The following NGEF variants were observed in gnomAD, a reference collection of about 807,000 sequenced individuals.
NGEF encodes neuronal guanine nucleotide exchange factor.
Under a neutral mutation model 80.9 loss-of-function variants are expected in NGEF, and 31 were observed. That is an observed-to-expected ratio of 0.38 (90% CI 0.29 to 0.52). NGEF has a LOEUF of 0.52. NGEF is among the 20% of genes least tolerant of loss of function. The probability of loss-of-function intolerance (pLI) is 0.84; values close to 1 mark genes in which losing one functional copy is unlikely to be tolerated. For missense variants in NGEF, 709 were observed against 926.2 expected (o/e 0.77, Z 3.04); for synonymous variants, 371 against 370.2 (o/e 1.00, Z -0.03).
intron 3 of NGEF, among the ~76,000 whole-genome samples, chr2:232,954,842 G>A (rs774497799): frequency 3.9e-5 from 6 of 152,064 alleles, no homozygotes; most frequent in Admixed American, 6.6e-5. Context: ...ACTGAAGGAT[G>A]AATAGAAACT....
At chr2:232,911,073 CCTCAGGTAA>C (rs1692682787) in intron 5 of NGEF, among the ~76,000 whole-genome samples, 1 of 152,138 alleles carries the variant, frequency 6.6e-6, no homozygotes, top group South Asian at 2.1e-4. Context: ...TCTTTGCTAA[CCTCAGGTAA>C]TGAAGGTTTT....
intron 3 of NGEF, among the ~76,000 whole-genome samples, chr2:232,960,379 G>A (rs1693922995): frequency 6.6e-6 from 1 of 152,190 alleles, no homozygotes. Context: ...AAGGGACTGA[G>A]TCAGTGACGT....
intron 1 of NGEF, among the ~76,000 whole-genome samples, chr2:232,999,565 C>G (rs1475178798): frequency 2.0e-5 from 3 of 152,236 alleles, no homozygotes; most frequent in Non-Finnish European, 4.4e-5. Flanking sequence ...TCACATTTCC[C>G]TGCCATCAGA....
chr2:232,918,003 G>A (rs1449803722), intron 5 of NGEF, among the ~76,000 whole-genome samples: 1 of 151,962 alleles, frequency 6.6e-6, no homozygotes, highest in Middle Eastern at 3.2e-3. Flanking sequence ...GCCCAGGCTG[G>A]GGTGCAGTTG....
intron 11 of NGEF, 117 bp from the exon 12 acceptor site, chr2:232,883,583 C>A (rs923956294): frequency 1.2e-5 from 13 of 1,069,660 alleles, no homozygotes; most frequent in Admixed American, 6.2e-5. Flanking sequence ...TGATCTTCAC[C>A]TCCTTCTGAA....
At position 232,879,555 on chromosome 2, in the gene NGEF, C is replaced by A; in HGVS notation, c.2067G>T (p.Lys689Asn). The part of the protein sequence containing the change: ...QNLKECFRVH[K>N]MDDPQRSQNK... ...TCTGGCTGCGCTGAGGGTCATCCAT[C>A]TTGTGGACACGGAAACATTCCTTGA... The change falls in exon 15 of 15, where the codon AAG (lysine) becomes AAT (asparagine). Residue 689 changes from lysine (K) to asparagine (N), a missense_variant. Around this residue, in one of 2 missense-constraint regions of NGEF, gnomAD observed 426 missense variants for 622.9 expected, o/e 0.68. Transcript: ENST00000264051. 1.2e-6 allele frequency: 2 copies of A among 1,613,944 alleles called. No homozygotes were observed. Among genetic ancestry groups the A allele is most frequent in the Non-Finnish European group, 1.7e-6 (2 of 1,179,988 alleles).
At chr2:232,938,444 A>G (rs1184900077) in intron 3 of NGEF, among the ~76,000 whole-genome samples, 4 of 152,152 alleles carry the variant, frequency 2.6e-5, no homozygotes, top group Non-Finnish European at 4.4e-5. Flanking sequence ...AACTATGGAA[A>G]ATGAGGGACA....
At chr2:232,921,318 G>C (rs887232126) in intron 4 of NGEF, among the ~76,000 whole-genome samples, 3 of 152,188 alleles carry the variant, frequency 2.0e-5, no homozygotes, top group African/African-American at 7.2e-5. Context: ...GGATGGTGAG[G>C]GGTAATCCTG....
rs368738673 is a variant in NGEF at position 232,926,997 on chromosome 2, G to A, written c.526+47C>T. On this transcript the variant is annotated intron_variant, in intron 4 of 14. Transcript: ENST00000264051. ...CAGGAGGACCCTCAGAGTCCTCCAGGGACCCGCGTTTCCCAAATAAAACCC... is the reference window on the plus strand; with the variant it reads ...CAGGAGGACCCTCAGAGTCCTCCAGAGACCCGCGTTTCCCAAATAAAACCC... 4.3e-5 allele frequency: 70 copies of A among 1,613,298 alleles called. No individual in the cohort carries two copies. The African/African-American group carries it at 8.7e-4, about 20-fold the overall frequency.
At chr2:232,995,977 A>T (rs192146010) in intron 1 of NGEF, among the ~76,000 whole-genome samples, 166 of 151,924 alleles carry the variant, frequency 1.1e-3, no homozygotes, top group Non-Finnish European at 2.0e-3. Context: ...GTGAGCGTAA[A>T]ACTGAATGGG....
chr2:233,000,728 C>T (rs542311626), intron 1 of NGEF, among the ~76,000 whole-genome samples: 2 of 151,030 alleles, frequency 1.3e-5, no homozygotes, highest in African/African-American at 2.4e-5. Flanking sequence ...CCACTGCACT[C>T]CAGCTCGGGC....
At chr2:232,993,239 T>TTTATATATATTATATATATAA (rs1694710913) in intron 1 of NGEF, among the ~76,000 whole-genome samples, 1 of 40,288 alleles carries the variant, frequency 2.5e-5, no homozygotes, top group Admixed American at 2.4e-4. Flanking sequence ...TATATATGTA[T>TTTATATATATTATATATATAA]ATTTTCAGAT....
intron 3 of NGEF, among the ~76,000 whole-genome samples, chr2:232,943,528 C>T (rs1420545860): frequency 2.8e-5 from 4 of 144,220 alleles, no homozygotes; most frequent in East Asian, 2.0e-4. Context: ...CGGAGTCTCA[C>T]TCTGTCGCCC....
intron 12 of NGEF, among the ~76,000 whole-genome samples, chr2:232,882,716 G>A (rs945679691): frequency 2.0e-5 from 3 of 152,184 alleles, no homozygotes; most frequent in Non-Finnish European, 4.4e-5. Flanking sequence ...TCGGGGCCAC[G>A]ACGGGAGGAG....
intron 5 of NGEF, among the ~76,000 whole-genome samples, chr2:232,900,056 ACAGT>A (rs1414044161): frequency 1.4e-5 from 2 of 139,322 alleles, no homozygotes; most frequent in Non-Finnish European, 3.1e-5. Context: ...ACACGCTCTC[ACAGT>A]CACTCATATA....
intron 9 of NGEF, among the ~76,000 whole-genome samples, chr2:232,885,982 G>A (rs757283163): frequency 5.3e-5 from 8 of 152,212 alleles, no homozygotes; most frequent in African/African-American, 1.2e-4. Flanking sequence ...ATGCAGATAC[G>A]CAAGAACAGA....
In NGEF at chr2:232,988,036, C is replaced by CCTGTGTGTGTGTGT. The variant is rs1553558805; in HGVS notation, c.-74-13073_-74-13072insACACACACACACAG. Among the ~76,000 whole-genome samples, 509 of 140,342 alleles carry CCTGTGTGTGTGTGT rather than the reference C, an allele frequency of 3.6e-3. 20 individuals are homozygous for CCTGTGTGTGTGTGT. The highest frequency in any genetic ancestry group is 5.7e-3 in the African/African-American group (219 of 38,350). The allele number at this position is 140,342 out of a possible 152,430, so 92.1% of individuals were successfully genotyped here. On this transcript the variant is annotated intron_variant, in intron 1 of 14. Transcript: ENST00000264051. ...GTCACCCTTCTGGAAGGGATGGTCT[C>CCTGTGTGTGTGTGT]GTGTGTGTGTGTGTGTGTGTGTGTG...
intron 4 of NGEF, among the ~76,000 whole-genome samples, chr2:232,922,040 C>A (rs932725205): frequency 1.3e-5 from 2 of 152,140 alleles, no homozygotes; most frequent in African/African-American, 4.8e-5. Flanking sequence ...CAGGTGGAGG[C>A]CTCATGAGCA....
chr2:232,981,347 C>G (rs961841459), intron 1 of NGEF, among the ~76,000 whole-genome samples: 1 of 151,694 alleles, frequency 6.6e-6, no homozygotes, highest in South Asian at 2.1e-4. Context: ...CGAAAAGACC[C>G]CTTTCTTGCC....
Sources: gnomAD v4.1 joint callset for allele counts (sites outside exome capture counted in the v4.1 genomes callset) on GRCh38, gnomAD v4.1.1 for gene constraint, gnomAD v4.1.1 regional missense constraint, MANE v1.5 for transcripts, NCBI Gene and HGNC (gene_info 2026-07-23, HGNC 2026-07-21) for gene names.